CPNE8: variants seen among roughly 807,000 people sequenced by gnomAD.
CPNE8 encodes copine-8.
Under a neutral mutation model 81.5 loss-of-function variants are expected in CPNE8, and 45 were observed. That is an observed-to-expected ratio of 0.55 (90% CI 0.44 to 0.71). The LOEUF is 0.71. Ranked by LOEUF, CPNE8 falls within the 30% of genes least tolerant of loss-of-function variation. CPNE8 has a pLI of 0.00. For synonymous variants in CPNE8, 252 were observed against 226.3 expected, an observed-to-expected ratio of 1.11 and a Z score of -1.02; for missense variants, 594 against 672.1, an observed-to-expected ratio of 0.88 and a Z score of 1.28.
chr12:38,733,371 C>T (rs920401068), intron 10 of CPNE8, among the ~76,000 whole-genome samples: 11 of 151,764 alleles, frequency 7.2e-5, no homozygotes, highest in Non-Finnish European at 1.2e-4. Flanking sequence ...CTAGATTCTA[C>T]TAAGATTAAA....
At chr12:38,796,970 G>A (rs532205267) in intron 6 of CPNE8, among the ~76,000 whole-genome samples, 8 of 152,310 alleles carry the variant, frequency 5.3e-5, no homozygotes, top group African/African-American at 1.9e-4. Context: ...AGATCAAACT[G>A]CAAGGCGGCA....
intron 10 of CPNE8, among the ~76,000 whole-genome samples, chr12:38,755,831 G>A (rs1191947663): frequency 1.3e-5 from 2 of 151,780 alleles, no homozygotes; most frequent in African/African-American, 4.8e-5. Flanking sequence ...ACGAAGTCAG[G>A]AGATCGAGAC....
At chr12:38,800,027 T>C (rs914003874) in intron 6 of CPNE8, among the ~76,000 whole-genome samples, 2 of 132,464 alleles carry the variant, frequency 1.5e-5, no homozygotes, top group African/African-American at 5.3e-5. Flanking sequence ...ATCTCGCTGA[T>C]TGCTAGCACA....
At chr12:38,733,293 C>A (rs1170435798) in intron 10 of CPNE8, among the ~76,000 whole-genome samples, 1 of 151,850 alleles carries the variant, frequency 6.6e-6, no homozygotes, top group Admixed American at 6.6e-5. Flanking sequence ...CAGATACTTA[C>A]TCTAAAGAGA....
Position 38,776,247 on chromosome 12 carries a change from G to A in CPNE8, c.462C>T (p.Asn154=). The part of the protein sequence containing the change: ...GTIILTAEEL[N]CCRDAVLMQF... ...AGAAATATTTACTTACCCTGCAACA[G>A]TTTAATTCCTCTGCTGTAAGTATGA... is the stretch of plus-strand genomic sequence containing the variant. The change falls in exon 7 of 20, where the codon AAC becomes AAT. Residue 154 remains asparagine, a synonymous_variant. Coordinates refer to ENST00000331366, the MANE Select transcript of CPNE8 (RefSeq NM_153634.3). 8 of 1,545,038 alleles carry A rather than the reference G, an allele frequency of 5.2e-6. No individual in the cohort carries two copies. Among genetic ancestry groups the A allele is most frequent in the South Asian group, 1.3e-5 (1 of 78,640 alleles).
At chr12:38,722,546 G>T (rs1940592027) in intron 13 of CPNE8, among the ~76,000 whole-genome samples, 1 of 152,128 alleles carries the variant, frequency 6.6e-6, no homozygotes, top group African/African-American at 2.4e-5. Flanking sequence ...TTATGGGGTG[G>T]CAGGGGGCTG....
At chr12:38,756,926 A>C (rs897561101) in intron 10 of CPNE8, among the ~76,000 whole-genome samples, 1 of 152,148 alleles carries the variant, frequency 6.6e-6, no homozygotes, top group African/African-American at 2.4e-5. Flanking sequence ...AAAAAGTAAA[A>C]ATCCTTCTTA....
intron 11 of CPNE8, among the ~76,000 whole-genome samples, chr12:38,729,289 C>A (rs892231023): frequency 6.6e-6 from 1 of 152,042 alleles, no homozygotes; most frequent in Non-Finnish European, 1.5e-5. Context: ...CCCAGCTAAA[C>A]TAATGCATAA....
At position 38,829,384 on chromosome 12, in the gene CPNE8, T is replaced by G. The variant is rs761002996; in HGVS notation, c.402A>C (p.Pro134=). ...VGSQGSRLEK[P]IVGIPGKKCG... ...CTGAATTAAAAAATACTTACACTATTGGTTTTTCCAGGCGACTTCCCTGTG... is the reference window on the plus strand; with the variant it reads ...CTGAATTAAAAAATACTTACACTATGGGTTTTTCCAGGCGACTTCCCTGTG... Residue 134 remains proline, a synonymous_variant, in exon 6 of 20, where the codon CCA becomes CCC. Coordinates refer to ENST00000331366, the MANE Select transcript of CPNE8 (RefSeq NM_153634.3). The G allele has an allele frequency of 1.9e-6, 3 of 1,605,422 alleles. No individual in the cohort carries two copies. Among genetic ancestry groups the G allele is most frequent in the Non-Finnish European group, 2.6e-6 (3 of 1,172,204 alleles).
At chr12:38,880,887 C>T (rs1270751894) in intron 1 of CPNE8, among the ~76,000 whole-genome samples, 1 of 151,804 alleles carries the variant, frequency 6.6e-6, no homozygotes, top group Non-Finnish European at 1.5e-5. Context: ...GGGAGCCAAA[C>T]TGTGTACAGG....
At chr12:38,847,480 C>A (rs1333920790) in intron 4 of CPNE8, among the ~76,000 whole-genome samples, 1 of 152,182 alleles carries the variant, frequency 6.6e-6, no homozygotes, top group Non-Finnish European at 1.5e-5. Flanking sequence ...CAGGAAGTTA[C>A]TACATTTCAT....
chr12:38,704,250 T>TA (rs1940028554), intron 13 of CPNE8, among the ~76,000 whole-genome samples: 1 of 152,134 alleles, frequency 6.6e-6, no homozygotes, highest in Non-Finnish European at 1.5e-5. Context: ...TTCTTGAATC[T>TA]AAAATAAAAG....
chr12:38,681,586 C>T (rs1271277170), intron 16 of CPNE8, among the ~76,000 whole-genome samples: 9 of 152,044 alleles, frequency 5.9e-5, no homozygotes, highest in African/African-American at 1.9e-4. Flanking sequence ...TGGTTAACAC[C>T]TACCATCAAA....
chr12:38,764,103 A>G (rs1323883698), intron 8 of CPNE8, among the ~76,000 whole-genome samples: 2 of 152,174 alleles, frequency 1.3e-5, no homozygotes, highest in African/African-American at 2.4e-5. Flanking sequence ...AAATGTATCT[A>G]TGGTCAAATG....
intron 18 of CPNE8, among the ~76,000 whole-genome samples, chr12:38,674,825 T>C (rs1939253245): frequency 6.6e-6 from 1 of 152,190 alleles, no homozygotes; most frequent in Admixed American, 6.5e-5. Context: ...CAGTGATAAT[T>C]ACAATCTAGT....
chr12:38,754,150 T>A (rs1941410247), intron 10 of CPNE8, among the ~76,000 whole-genome samples: 1 of 152,100 alleles, frequency 6.6e-6, no homozygotes, highest in Admixed American at 6.6e-5. Flanking sequence ...CTGAACAGAA[T>A]ATCAACAGGC....
At chr12:38,890,471 T>C (rs970481536) in intron 1 of CPNE8, among the ~76,000 whole-genome samples, 1 of 152,246 alleles carries the variant, frequency 6.6e-6, no homozygotes, top group Admixed American at 6.5e-5. Context: ...GAAAGCATTG[T>C]TTTCCATCTT....
chr12:38,820,651 A>G (rs1324463809), intron 6 of CPNE8, among the ~76,000 whole-genome samples: 1 of 152,220 alleles, frequency 6.6e-6, no homozygotes, highest in Non-Finnish European at 1.5e-5. Context: ...AAAATAATAT[A>G]GATCATGTCT....
chr12:38,710,539 G>C (rs1475998850), intron 13 of CPNE8, among the ~76,000 whole-genome samples: 1 of 152,164 alleles, frequency 6.6e-6, no homozygotes, highest in Admixed American at 6.5e-5. Flanking sequence ...CTAAATGTTA[G>C]AAATAAAACT....
Sources: gnomAD v4.1 joint callset for allele counts (sites outside exome capture counted in the v4.1 genomes callset) on GRCh38, gnomAD v4.1.1 for gene constraint, MANE v1.5 for transcripts, NCBI Gene and HGNC (gene_info 2026-07-23, HGNC 2026-07-21) for gene names.